Variants in ELP1 observed in about 807,000 individuals in gnomAD.
ELP1 encodes the protein elongator acetyltransferase complex subunit 1, also known as elongator complex protein 1.
A neutral mutation model predicts 183.2 loss-of-function variants in ELP1; 131 were observed. The observed-to-expected ratio is 0.72, with a 90% CI of 0.62 to 0.83. ELP1 has a LOEUF of 0.83. Among genes scored for constraint, ELP1 ranks in the 40% least tolerant of loss-of-function variants. The probability of loss-of-function intolerance (pLI) is 0.00; values close to 1 mark genes in which losing one functional copy is unlikely to be tolerated. For missense variants in ELP1, 1,550 were observed against 1,594.9 expected, an observed-to-expected ratio of 0.97 and a Z score of 0.48; for synonymous variants, 555 against 569.0, an observed-to-expected ratio of 0.98 and a Z score of 0.35.
intron 29 of ELP1, among the ~76,000 whole-genome samples, chr9:108,888,576 C>T (rs1260630871): frequency 1.3e-5 from 2 of 152,146 alleles, no homozygotes; most frequent in Non-Finnish European, 1.5e-5. Context: ...AGGTATGTTT[C>T]ATTCACTGGT....
At chr9:108,907,694 A>G (rs1381693966) in intron 13 of ELP1, among the ~76,000 whole-genome samples, 2 of 152,086 alleles carry the variant, frequency 1.3e-5, no homozygotes, top group Admixed American at 1.3e-4. Flanking sequence ...TAACCTCTAC[A>G]CTTTGTTTTT....
At chr9:108,919,530 GA>G (rs897107120) in intron 6 of ELP1, among the ~76,000 whole-genome samples, 181 bp from the exon 7 acceptor site, 1 of 140,360 alleles carries the variant, frequency 7.1e-6, no homozygotes, top group Non-Finnish European at 1.6e-5. Flanking sequence ...TCAAAAAGAA[GA>G]AAAAAATGTA....
intron 26 of ELP1, among the ~76,000 whole-genome samples, chr9:108,893,503 A>G (rs1828419197): frequency 6.6e-6 from 1 of 152,200 alleles, no homozygotes; most frequent in African/African-American, 2.4e-5. Context: ...AAGAATCACA[A>G]CTGTTCCAGC....
chr9:108,899,910 A>G lies in ELP1; in HGVS notation c.2131-15T>C. ...CCCCTTGGCATCTTAAATAAATTAA[A>G]GCAGTAACATTTTTAATTAAGTAGA... On this transcript the variant is annotated splice_polypyrimidine_tract_variant and intron_variant, in intron 19 of 36. Transcript: ENST00000374647. 11 of 1,607,142 alleles carry G rather than the reference A, an allele frequency of 6.8e-6. No homozygotes were observed. The highest frequency in any genetic ancestry group is 9.4e-6 in the Non-Finnish European group (11 of 1,173,832).
chr9:108,914,129 C>T (rs1829336389), intron 10 of ELP1, among the ~76,000 whole-genome samples: 1 of 151,942 alleles, frequency 6.6e-6, no homozygotes, highest in African/African-American at 2.4e-5. Flanking sequence ...AGGCCGGGCA[C>T]GGTGGCTCAC....
At chr9:108,869,583 T>C (rs931185915) in intron 36 of ELP1, among the ~76,000 whole-genome samples, 2 of 152,212 alleles carry the variant, frequency 1.3e-5, no homozygotes, top group African/African-American at 2.4e-5. Context: ...CAAAATGTGA[T>C]AGCACATATT....
chr9:108,867,966 AC>A lies in ELP1; in HGVS notation c.*1148del, dbSNP rs1320695076. On this transcript the variant is annotated 3_prime_UTR_variant, in exon 37 of 37. Coordinates refer to ENST00000374647, the MANE Select transcript of ELP1 (RefSeq NM_003640.5). Reference sequence around the variant, plus strand: ...GTAGTTTAGGCATTTGTTTCCCTAAACCTCATGTTGAAATGTGATCACCAGT... The same window carrying A: ...GTAGTTTAGGCATTTGTTTCCCTAAACTCATGTTGAAATGTGATCACCAGT... The A allele has an allele frequency of 6.6e-6, 1 of 152,140 alleles. No homozygotes were observed. Among genetic ancestry groups the A allele is most frequent in the African/African-American group, 2.4e-5 (1 of 41,400 alleles). 9.4% of individuals were successfully genotyped at this position (152,140 alleles called of 1,614,324 possible). A position where few individuals can be genotyped will look rare whatever the true frequency, so the allele number is the denominator to read the frequency against.
rs1315800283 is a variant in ELP1, at chr9:108,907,728, T to C, written c.1460+577A>G. On this transcript the variant is annotated intron_variant, in intron 13 of 36. Transcript: ENST00000374647. The stretch of plus-strand genomic sequence containing the variant: ...TTTTAATCTGTAAGTACTCAATAAG[T>C]GGTACTTTTTAAAAAAGTTCTCTCA... Among the ~76,000 whole-genome samples, 4 of 152,176 alleles carry C rather than the reference T, an allele frequency of 2.6e-5. No individual in the cohort carries two copies. The East Asian group carries it at 5.8e-4, about 22-fold the overall frequency.
In ELP1 at chr9:108,896,625, A is replaced by G; in HGVS notation, c.2607T>C (p.Pro869=). ...HELQGNAPSD[P]DAVSAEEALK... is the part of the protein sequence containing the mutation. ...AGGCCTCTTCAGCACTCACAGCATCAGGATCAGAGGGAGCATTTCCTAACA... is the reference window on the plus strand; with the variant it reads ...AGGCCTCTTCAGCACTCACAGCATCGGGATCAGAGGGAGCATTTCCTAACA... Residue 869 remains proline, a synonymous_variant, in exon 25 of 37, where the codon CCT becomes CCC. Coordinates refer to ENST00000374647, the MANE Select transcript of ELP1 (RefSeq NM_003640.5). 6.2e-7 allele frequency: 1 copy of G among 1,614,046 alleles called. No individual in the cohort carries two copies. Among genetic ancestry groups the G allele is most frequent in the Non-Finnish European group, 8.5e-7 (1 of 1,179,856 alleles).
At chr9:108,870,090 C>G (rs1023069768) in intron 36 of ELP1, among the ~76,000 whole-genome samples, 1 of 152,140 alleles carries the variant, frequency 6.6e-6, no homozygotes, top group Admixed American at 6.5e-5. Flanking sequence ...ATTCTCCTGC[C>G]TCAGCCTCCC....
intron 1 of ELP1, among the ~76,000 whole-genome samples, 157 bp downstream of exon 1, chr9:108,933,707 G>T (rs1335198801): frequency 6.6e-6 from 1 of 152,238 alleles, no homozygotes; most frequent in Admixed American, 6.5e-5. Context: ...AGGTGGCAAG[G>T]CTGCAAAAAG....
At position 108,897,184 on chromosome 9, in the gene ELP1, G is replaced by C. The variant is rs748753813; in HGVS notation, c.2465C>G (p.Ala822Gly). Residue 822 changes from alanine to glycine, a missense_variant, in exon 23 of 37, where the codon GCT becomes GGT. Ala to Gly is a moderately conservative substitution (Grantham distance 60). Transcript: ENST00000374647. The stretch of plus-strand genomic sequence containing the variant: ...TATGCTCTCCATGACTGCTCTCATA[G>C]CATCGCAGACAAGGTCTATTTTATT... Reference protein sequence around the residue: ...DGNKIDLVCDAMRAVMESINP... With the variant: ...DGNKIDLVCDGMRAVMESINP... The C allele has an allele frequency of 9.3e-6, 15 of 1,614,176 alleles. No individual in the cohort carries two copies. The South Asian group carries it at 1.6e-4, about 18-fold the overall frequency.
rs1829939658 is a variant in ELP1 at position 108,929,819 on chromosome 9, C to T, written c.253G>A (p.Val85Met). ...ATGACGTCTCCAGAGGCTGTGGCCA[C>T]ACACACAGACTCCTGATCCAGCAAG... ...QDLLDQESVC[V>M]ATASGDVILC... Residue 85 changes from valine (V) to methionine (M), a missense_variant, in exon 3 of 37, where the codon GTG (valine) becomes ATG (methionine). Coordinates refer to ENST00000374647, the MANE Select transcript of ELP1 (RefSeq NM_003640.5). 2 of 1,613,808 alleles carry T rather than the reference C, an allele frequency of 1.2e-6. No homozygotes were observed. Among genetic ancestry groups the T allele is most frequent in the Admixed American group, 1.7e-5 (1 of 59,986 alleles).
At chr9:108,884,526 A>G (rs1828051533) in intron 29 of ELP1, among the ~76,000 whole-genome samples, 1 of 152,144 alleles carries the variant, frequency 6.6e-6, no homozygotes, top group South Asian at 2.1e-4. Flanking sequence ...ATTTAAATTA[A>G]TAAAATGTAT....
Position 108,879,543 on chromosome 9 carries a change from G to A in ELP1, c.3475C>T (p.His1159Tyr). ...GAGAAGAGGTCTGACTCTTGCCCGT[G>A]GGGTACCTCATCATCTAGAAAAGAA... is the stretch of plus-strand genomic sequence containing the variant. ...QQAGLDDEVP[H>Y]GQESDLFSET... The change falls in exon 33 of 37, where the codon CAC (histidine) becomes TAC (tyrosine). Residue 1159 changes from histidine (H) to tyrosine (Y), a missense_variant. His to Tyr is a moderately conservative substitution (Grantham distance 83, BLOSUM62 2). Transcript: ENST00000374647. 1 of 1,613,502 alleles carries A rather than the reference G, an allele frequency of 6.2e-7. No homozygotes were observed.
At position 108,896,589 on chromosome 9, in the gene ELP1, C is replaced by A; in HGVS notation, c.2643G>T (p.Leu881Phe). 3 of 1,613,798 alleles carry A rather than the reference C, an allele frequency of 1.9e-6. No homozygotes were observed. Among genetic ancestry groups the A allele is most frequent in the South Asian group, 2.2e-5 (2 of 91,068 alleles). The change falls in exon 25 of 37, where the codon TTG (leucine) becomes TTT (phenylalanine). Residue 881 changes from leucine to phenylalanine, a missense_variant. Transcript: ENST00000374647. ...AVSAEEALKYLLHLVDVNELY... is the reference protein window; with the variant it reads ...AVSAEEALKYFLHLVDVNELY... ...ATTCATTAACATCTACCAGATGCAG[C>A]AAATATTTCAAGGCCTCTTCAGCAC... is the stretch of plus-strand genomic sequence containing the variant.
intron 31 of ELP1, 69 bp downstream of exon 31, chr9:108,881,636 G>A: frequency 2.2e-6 from 2 of 928,340 alleles, no homozygotes; most frequent in Non-Finnish European, 3.6e-6. Flanking sequence ...TAAATAGGAG[G>A]AGACTCTCTC....
Position 108,898,677 on chromosome 9 carries a change from G to T in ELP1, c.2277C>A (p.Asn759Lys). ...TGACAGCTTAGAAAGTTACCTTAGG[G>T]TTATGATCATAAATCAGATTGAGAT... ...RINLNLIYDH[N>K]PKVFLGNVET... Residue 759 changes from asparagine (N) to lysine (K), a missense_variant, in exon 21 of 37, where the codon AAC becomes AAA. Asn to Lys is a moderately conservative substitution (Grantham distance 94). Transcript: ENST00000374647. 1 of 1,611,646 alleles carries T rather than the reference G, an allele frequency of 6.2e-7. No homozygotes were observed. Among genetic ancestry groups the T allele is most frequent in the Non-Finnish European group, 8.5e-7 (1 of 1,178,124 alleles).
intron 6 of ELP1, among the ~76,000 whole-genome samples, chr9:108,919,934 C>A (rs1829584392): frequency 6.6e-6 from 1 of 152,126 alleles, no homozygotes; most frequent in Non-Finnish European, 1.5e-5. Flanking sequence ...GATGACCACC[C>A]GGGCATTCAT....
Sources: allele counts gnomAD v4.1 joint callset (sites outside exome capture counted in the v4.1 genomes callset), GRCh38; gene constraint gnomAD v4.1.1; transcripts MANE v1.5; gene names NCBI Gene and HGNC (gene_info 2026-07-23, HGNC 2026-07-21).